KLHL32: variants seen among roughly 807,000 people sequenced by gnomAD.
The protein encoded by KLHL32 is kelch like family member 32.
A neutral mutation model predicts 64.8 loss-of-function variants in KLHL32; 35 were observed. That is an observed-to-expected ratio of 0.54 (90% CI 0.41 to 0.72). The LOEUF is 0.72. Ranked by LOEUF, KLHL32 falls within the 30% of genes least tolerant of loss-of-function variation. The pLI is 0.00. For synonymous variants in KLHL32, 259 were observed against 281.0 expected (o/e 0.92, Z 0.78); for missense variants, 589 against 768.5 (o/e 0.77, Z 2.76).
At chr6:96,900,190 C>T in the KLHL32 span, among the ~76,000 whole-genome samples, 3 of 152,206 alleles carry the variant, frequency 2.0e-5, no homozygotes, top group African/African-American at 7.2e-5. Flanking sequence ...ACACACTTTG[C>T]TCATCTTAAA....
At chr6:96,939,367 A>C (rs369734849) in intron 1 of KLHL32, among the ~76,000 whole-genome samples, 66 of 152,362 alleles carry the variant, frequency 4.3e-4, no homozygotes, top group African/African-American at 1.5e-3. Flanking sequence ...GAAGATAGTC[A>C]GGAACTTGTC....
chr6:97,065,987 T>A (rs1158028380), intron 5 of KLHL32, among the ~76,000 whole-genome samples: 5 of 62,520 alleles, frequency 8.0e-5, no homozygotes, highest in Admixed American at 7.8e-4. Flanking sequence ...GGTTAATGAT[T>A]TTTTTTTACC....
At chr6:97,016,195 C>T (rs538088548) in intron 3 of KLHL32, among the ~76,000 whole-genome samples, 43 of 152,350 alleles carry the variant, frequency 2.8e-4, no homozygotes, top group African/African-American at 1.0e-3. Context: ...AAGAGGGCCA[C>T]CATCCTCCAG....
chr6:97,084,566 T>C (rs1793099801), intron 5 of KLHL32, among the ~76,000 whole-genome samples: 1 of 152,236 alleles, frequency 6.6e-6, no homozygotes, highest in Admixed American at 6.5e-5. Flanking sequence ...GAGTCTTTTC[T>C]GTGAGATTTC....
chr6:96,993,180 C>T (rs1242483708), intron 3 of KLHL32, among the ~76,000 whole-genome samples: 1 of 152,186 alleles, frequency 6.6e-6, no homozygotes, highest in African/African-American at 2.4e-5. Flanking sequence ...TTTCTGTTAG[C>T]TTTTGCTGCA....
chr6:96,909,019 C>G, the KLHL32 span, among the ~76,000 whole-genome samples: 1 of 152,134 alleles, frequency 6.6e-6, no homozygotes, highest in African/African-American at 2.4e-5. Flanking sequence ...AAAGGAAGAC[C>G]TGACCTTTTA....
At chr6:96,990,340 G>A (rs1291180888) in intron 3 of KLHL32, among the ~76,000 whole-genome samples, 1 of 152,094 alleles carries the variant, frequency 6.6e-6, no homozygotes, top group Non-Finnish European at 1.5e-5. Flanking sequence ...TGTTTTTATG[G>A]GGGTGGGGGT....
At chr6:97,112,455 T>G (rs1377784906) in intron 6 of KLHL32, among the ~76,000 whole-genome samples, 1 of 152,086 alleles carries the variant, frequency 6.6e-6, no homozygotes, top group Non-Finnish European at 1.5e-5. Context: ...GATGATTTTT[T>G]TTTTTTCCTG....
At chr6:97,077,771 G>A (rs1791835199) in intron 5 of KLHL32, among the ~76,000 whole-genome samples, 1 of 152,122 alleles carries the variant, frequency 6.6e-6, no homozygotes, top group African/African-American at 2.4e-5. Context: ...TCATAGATGT[G>A]CCTCACAACT....
intron 3 of KLHL32, among the ~76,000 whole-genome samples, chr6:97,035,388 T>C (rs2128121039): frequency 6.6e-6 from 1 of 152,242 alleles, no homozygotes; most frequent in Non-Finnish European, 1.5e-5. Flanking sequence ...CAGTGTTACA[T>C]TATTATATAT....
chr6:97,024,337 G>T (rs917806146), intron 3 of KLHL32, among the ~76,000 whole-genome samples: 5 of 151,872 alleles, frequency 3.3e-5, no homozygotes, highest in Non-Finnish European at 7.4e-5. Flanking sequence ...GGATAAGGCT[G>T]ATTCTGATGT....
chr6:96,949,264 A>G (rs1772283828), intron 1 of KLHL32, among the ~76,000 whole-genome samples: 1 of 152,192 alleles, frequency 6.6e-6, no homozygotes, highest in Non-Finnish European at 1.5e-5. Flanking sequence ...GAGTCTTTCT[A>G]AAATCCTCAT....
chr6:96,905,421 T>C, the KLHL32 span, among the ~76,000 whole-genome samples: 1 of 152,208 alleles, frequency 6.6e-6, no homozygotes, highest in Admixed American at 6.5e-5. Flanking sequence ...CTTTCTCCCT[T>C]TGTAACTGTC....
chr6:96,982,111 TTC>T (rs1776384704), intron 3 of KLHL32, among the ~76,000 whole-genome samples: 1 of 152,152 alleles, frequency 6.6e-6, no homozygotes, highest in African/African-American at 2.4e-5. Flanking sequence ...TCTTGGTTAG[TTC>T]TCTGCCTCAA....
At chr6:96,901,218 G>A in the KLHL32 span, among the ~76,000 whole-genome samples, 4 of 152,058 alleles carry the variant, frequency 2.6e-5, no homozygotes, top group Admixed American at 2.0e-4. Flanking sequence ...TACCGCAAAT[G>A]GTTTAAAACA....
In KLHL32 at chr6:97,110,720, C is replaced by T. The variant is rs192532758; in HGVS notation, c.628-3063C>T. Among the ~76,000 whole-genome samples the T allele has an allele frequency of 6.6e-5, 10 of 152,226 alleles. No homozygotes were observed. The East Asian group carries it at 1.4e-3, about 21-fold the overall frequency. ...CATGGTTCAAAAAGGAAGTAAAGCA[C>T]GATAAAATTGAAGCAGGATATTTTC... On this transcript the variant is annotated intron_variant, in intron 6 of 10. Coordinates refer to ENST00000369261, the MANE Select transcript of KLHL32 (RefSeq NM_052904.4).
rs182312595 is a variant in KLHL32 at position 97,012,259 on chromosome 6, T to C, written c.205-29233T>C. ...GTGATGGACCTTGAGGTGGCAATAC[T>C]ATCCTGGATTATGTAGCTGGACCCA... On this transcript the variant is annotated intron_variant, in intron 3 of 10. Coordinates refer to ENST00000369261, the MANE Select transcript of KLHL32 (RefSeq NM_052904.4). Among the ~76,000 whole-genome samples the C allele has an allele frequency of 1.7e-4, 26 of 152,332 alleles. No individual in the cohort carries two copies. The East Asian group carries it at 4.6e-3, about 27-fold the overall frequency.
intron 7 of KLHL32, 115 bp from the exon 8 acceptor site, chr6:97,127,289 T>C (rs1798973499): frequency 1.2e-6 from 1 of 806,974 alleles, no homozygotes; most frequent in Non-Finnish European, 2.1e-6. Context: ...ACCATGAGGG[T>C]ATACAAACAG....
intron 1 of KLHL32, 117 bp from the exon 2 acceptor site, chr6:96,966,879 C>G: frequency 3.6e-6 from 2 of 562,684 alleles, no homozygotes; most frequent in South Asian, 4.7e-5. Context: ...TTTATGTGGA[C>G]AGTAAAGCTC....
Sources: gnomAD v4.1 joint callset for allele counts (sites outside exome capture counted in the v4.1 genomes callset) on GRCh38, gnomAD v4.1.1 for gene constraint, MANE v1.5 for transcripts, NCBI Gene and HGNC (gene_info 2026-07-23, HGNC 2026-07-21) for gene names.